Variants in SERPINE2 observed in about 807,000 individuals in gnomAD.
SERPINE2 encodes serpin family E member 2.
A neutral mutation model predicts 36.3 loss-of-function variants in SERPINE2; 14 were observed. The observed-to-expected ratio is 0.39, with a 90% CI of 0.25 to 0.60. SERPINE2 has a LOEUF of 0.60. Among genes scored for constraint, SERPINE2 ranks in the 20% least tolerant of loss-of-function variants. The probability of loss-of-function intolerance (pLI) is 0.57; values close to 1 mark genes in which losing one functional copy is unlikely to be tolerated. For missense variants in SERPINE2, 418 were observed against 499.6 expected, an observed-to-expected ratio of 0.84 and a Z score of 1.56; for synonymous variants, 192 against 191.8, an observed-to-expected ratio of 1.00 and a Z score of -0.01.
intron 4 of SERPINE2, among the ~76,000 whole-genome samples, chr2:223,987,224 C>G (rs966943670): frequency 1.3e-5 from 2 of 152,194 alleles, no homozygotes; most frequent in Non-Finnish European, 2.9e-5. Context: ...TCAGCATAAG[C>G]TGGCCCATAG....
chr2:223,976,021 G>A, intron 8 of SERPINE2, 117 bp from the exon 9 acceptor site: 1 of 835,806 alleles, frequency 1.2e-6, no homozygotes, highest in Non-Finnish European at 1.8e-6. Flanking sequence ...TTGCTCAGTA[G>A]TGTCCAGTAT....
chr2:224,035,063 C>T (rs1351540527), intron 1 of SERPINE2, among the ~76,000 whole-genome samples: 1 of 152,004 alleles, frequency 6.6e-6, no homozygotes, highest in Non-Finnish European at 1.5e-5. Context: ...TAGGAGGGAC[C>T]CAAGAAGACT....
intron 1 of SERPINE2, chr2:224,031,204 G>T (rs1692352518): frequency 1.0e-6 from 1 of 985,298 alleles, no homozygotes; most frequent in African/African-American, 1.7e-5. Flanking sequence ...GACACATAAA[G>T]GCTGTGCGAC....
chr2:224,038,186 G>T (rs1032714362), intron 1 of SERPINE2, among the ~76,000 whole-genome samples: 4 of 151,916 alleles, frequency 2.6e-5, no homozygotes, highest in Non-Finnish European at 4.4e-5. Flanking sequence ...ACAAATAAAC[G>T]GCTTCTTGGC....
intron 1 of SERPINE2, among the ~76,000 whole-genome samples, chr2:224,023,387 C>T (rs2106193938): frequency 6.6e-6 from 1 of 152,308 alleles, no homozygotes; most frequent in Non-Finnish European, 1.5e-5. Context: ...TAAAATGCAG[C>T]ACCATTTGGT....
chr2:223,993,231 G>A (rs1690741799), intron 3 of SERPINE2, among the ~76,000 whole-genome samples: 1 of 152,214 alleles, frequency 6.6e-6, no homozygotes, highest in Admixed American at 6.5e-5. Context: ...CGTTGGGAAT[G>A]GTCCGTCTTA....
At chr2:224,023,363 T>G (rs1692077308) in intron 1 of SERPINE2, among the ~76,000 whole-genome samples, 1 of 152,256 alleles carries the variant, frequency 6.6e-6, no homozygotes, top group Non-Finnish European at 1.5e-5. Context: ...CCAGTGTCTC[T>G]GACACCATAC....
intron 1 of SERPINE2, among the ~76,000 whole-genome samples, chr2:224,034,217 T>G (rs1445059866): frequency 2.0e-5 from 3 of 152,002 alleles, no homozygotes; most frequent in Non-Finnish European, 2.9e-5. Flanking sequence ...ATCATTGAGG[T>G]AGGCACGGGG....
At chr2:224,015,525 C>T (rs1691772792) in intron 1 of SERPINE2, among the ~76,000 whole-genome samples, 1 of 152,212 alleles carries the variant, frequency 6.6e-6, no homozygotes, top group Non-Finnish European at 1.5e-5. Flanking sequence ...TTTTTCCTTT[C>T]ATACCATCAT....
chr2:224,010,717 T>C (rs1012870442), intron 1 of SERPINE2, among the ~76,000 whole-genome samples: 8 of 152,178 alleles, frequency 5.3e-5, no homozygotes, highest in African/African-American at 1.7e-4. Flanking sequence ...AGGGTGGCCA[T>C]GGAAATTCAA....
rs1366336998 is a variant in SERPINE2, at chr2:223,984,760, G to A, written c.876C>T (p.Ile292=). 1.2e-5 allele frequency: 19 copies of A among 1,612,284 alleles called. No homozygotes were observed. The highest frequency in any genetic ancestry group is 1.6e-5 in the Non-Finnish European group (19 of 1,179,744). The change falls in exon 5 of 9, where the codon ATC becomes ATT. Residue 292 remains isoleucine, a synonymous_variant. Transcript: ENST00000409304. ...SIMVPKRVQV[I]LPKFTAVAQT... Reference sequence around the variant, plus strand: ...GGGAAGGGGCCACTTACTTGGGCAGGATCACCTGCACCCTCTTGGGCACCA... The same window carrying A: ...GGGAAGGGGCCACTTACTTGGGCAGAATCACCTGCACCCTCTTGGGCACCA...
At chr2:223,992,800 T>C (rs2106151944) in intron 3 of SERPINE2, among the ~76,000 whole-genome samples, 1 of 152,312 alleles carries the variant, frequency 6.6e-6, no homozygotes, top group South Asian at 2.1e-4. Flanking sequence ...ATATGTACAA[T>C]TATTATGGGT....
intron 2 of SERPINE2, among the ~76,000 whole-genome samples, chr2:223,998,640 T>G (rs1690989692): frequency 6.6e-6 from 1 of 152,044 alleles, no homozygotes; most frequent in African/African-American, 2.4e-5. Flanking sequence ...CGCTGGAGCC[T>G]GGGAAGTCGA....
At chr2:224,019,534 G>A (rs1488796362) in intron 1 of SERPINE2, among the ~76,000 whole-genome samples, 3 of 151,866 alleles carry the variant, frequency 2.0e-5, no homozygotes, top group African/African-American at 7.3e-5. Flanking sequence ...AGCCCACTGG[G>A]GACCTTGTTC....
intron 1 of SERPINE2, among the ~76,000 whole-genome samples, chr2:224,013,405 C>CGG (rs774247690): frequency 1.3e-4 from 20 of 152,178 alleles, no homozygotes; most frequent in Non-Finnish European, 2.5e-4. Flanking sequence ...TTGCACAGGG[C>CGG]GGTTTGGAGA....
chr2:223,992,057 G>A (rs1690696288), intron 3 of SERPINE2, 57 bp from the exon 4 acceptor site: 2 of 1,447,706 alleles, frequency 1.4e-6, no homozygotes, highest in Non-Finnish European at 1.9e-6. Flanking sequence ...TGGCCGGCTT[G>A]AGGGCAAATG....
In SERPINE2 at chr2:223,991,866, C is replaced by G. The variant is rs375757013; in HGVS notation, c.622G>C (p.Val208Leu). Residue 208 changes from valine to leucine, a missense_variant, in exon 4 of 9, where the codon GTG becomes CTG. Transcript: ENST00000409304. ...QPENTKKRTF[V>L]AADGKSYQVP... The stretch of plus-strand genomic sequence containing the variant: ...TGATAGGATTTCCCGTCGGCTGCCA[C>G]GAAAGTGCGTTTCTTTGTGTTCTCG... 6.0e-5 allele frequency: 96 copies of G among 1,613,196 alleles called. No homozygotes were observed. Among genetic ancestry groups the G allele is most frequent in the Non-Finnish European group, 8.0e-5 (94 of 1,179,792 alleles).
At chr2:223,977,048 T>C (rs935208112) in intron 8 of SERPINE2, among the ~76,000 whole-genome samples, 4 of 152,358 alleles carry the variant, frequency 2.6e-5, no homozygotes, top group Non-Finnish European at 4.4e-5. Flanking sequence ...TGCTGCCCTG[T>C]GAAGTGATGC....
chr2:223,989,455 C>A (rs1304516274), intron 4 of SERPINE2, among the ~76,000 whole-genome samples: 1 of 152,124 alleles, frequency 6.6e-6, no homozygotes, highest in Non-Finnish European at 1.5e-5. Context: ...TCCTGCAGGT[C>A]AGAGTGAGGA....
Sources: gnomAD v4.1 joint callset for allele counts (sites outside exome capture counted in the v4.1 genomes callset) on GRCh38, gnomAD v4.1.1 for gene constraint, MANE v1.5 for transcripts, NCBI Gene and HGNC (gene_info 2026-07-23, HGNC 2026-07-21) for gene names.